The following ABLIM2 variants were observed in gnomAD, a reference collection of about 807,000 sequenced individuals.
The protein encoded by ABLIM2 is actin-binding LIM protein 2.
A neutral mutation model predicts 97.7 loss-of-function variants in ABLIM2; 53 were observed. The ratio of observed to expected loss-of-function variants is 0.54; its 90% CI spans 0.44 to 0.68. The LOEUF (loss-of-function observed/expected upper bound fraction) is 0.68, where lower values mean the gene tolerates loss of function less well. Among genes scored for constraint, ABLIM2 ranks in the 30% least tolerant of loss-of-function variants. The pLI is 0.00. For synonymous variants in ABLIM2, 361 were observed against 345.8 expected, an observed-to-expected ratio of 1.04 and a Z score of -0.49; for missense variants, 835 against 867.2, an observed-to-expected ratio of 0.96 and a Z score of 0.47.
chr4:8,050,687 ACAGAG>A (rs1795432750), intron 8 of ABLIM2, among the ~76,000 whole-genome samples: 1 of 152,102 alleles, frequency 6.6e-6, no homozygotes. Flanking sequence ...ACGGAACAAA[ACAGAG>A]CAGGAGGGCT....
chr4:7,967,318 C>T (rs554078405), intron 20 of ABLIM2, among the ~76,000 whole-genome samples: 56 of 152,314 alleles, frequency 3.7e-4, no homozygotes, highest in Middle Eastern at 6.8e-3. Flanking sequence ...CACACAGCAC[C>T]CAGTGGTGGA....
chr4:8,016,043 ATTTTTTTT>A (rs4006048), intron 14 of ABLIM2, among the ~76,000 whole-genome samples: 2 of 111,128 alleles, frequency 1.8e-5, no homozygotes, highest in African/African-American at 7.4e-5. Context: ...TTGTTGTTGT[ATTTTTTTT>A]TTTTTTTTTT....
At chr4:8,111,384 A>G (rs1357338490) in intron 1 of ABLIM2, among the ~76,000 whole-genome samples, 1 of 152,240 alleles carries the variant, frequency 6.6e-6, no homozygotes, top group African/African-American at 2.4e-5. Flanking sequence ...TCTGGGCAAT[A>G]CTGTAATGGT....
chr4:8,145,745 TACACACACACACACACAC>T (rs34195989), intron 1 of ABLIM2, among the ~76,000 whole-genome samples: 28 of 138,680 alleles, frequency 2.0e-4, no homozygotes, highest in African/African-American at 6.7e-4. Flanking sequence ...TACACACTCA[TACACACACACACACACAC>T]ACACACACAC....
chr4:8,056,855 T>C (rs1296462203), intron 7 of ABLIM2, among the ~76,000 whole-genome samples: 7 of 138,106 alleles, frequency 5.1e-5, no homozygotes, highest in Non-Finnish European at 6.0e-5. Flanking sequence ...TGGCGTGAAC[T>C]CGGGAGGCGG....
intron 9 of ABLIM2, among the ~76,000 whole-genome samples, chr4:8,039,870 T>C (rs1248275474): frequency 1.4e-5 from 2 of 141,690 alleles, no homozygotes; most frequent in Non-Finnish European, 3.0e-5. Context: ...GTGTGCTGAT[T>C]ACTGTTTTTT....
intron 20 of ABLIM2, among the ~76,000 whole-genome samples, chr4:7,968,602 C>T (rs569526046): frequency 1.1e-4 from 17 of 152,208 alleles, no homozygotes; most frequent in Non-Finnish European, 2.2e-4. Context: ...GTATATGATT[C>T]CACTTCTCTG....
intron 1 of ABLIM2, among the ~76,000 whole-genome samples, chr4:8,154,084 TC>T (rs1486987022): frequency 6.7e-6 from 1 of 149,790 alleles, no homozygotes; most frequent in Non-Finnish European, 1.5e-5. Flanking sequence ...TGCCTCAGCC[TC>T]CCGAGTAGCT....
intron 20 of ABLIM2, among the ~76,000 whole-genome samples, chr4:7,972,205 C>G (rs1304683810): frequency 1.3e-5 from 2 of 152,178 alleles, no homozygotes; most frequent in Non-Finnish European, 2.9e-5. Flanking sequence ...AGCGGCTTAG[C>G]GGGGCAATGA....
rs1240840881 is a variant in ABLIM2, at chr4:8,003,908, G to T, written c.1618+4151C>A. 6.6e-6 allele frequency among the ~76,000 whole-genome samples: 1 copy of T among 152,078 alleles called. No homozygotes were observed. Among genetic ancestry groups the T allele is most frequent in the East Asian group, 1.9e-4 (1 of 5,166 alleles). ...TGTCTGCATATTCCATACCTAGGGG[G>T]TCTCACGTCTCTAAGCCTGAGGCCA... On this transcript the variant is annotated intron_variant, in intron 16 of 20. Coordinates refer to ENST00000447017, the MANE Select transcript of ABLIM2 (RefSeq NM_001130083.2). The surrounding 1 kb of genome is among the most constrained non-coding windows in gnomAD (Gnocchi z 4.2).
At position 7,984,860 on chromosome 4, in the gene ABLIM2, C is replaced by T. The variant is rs773972716; in HGVS notation, c.1714G>A (p.Asp572Asn). Residue 572 changes from aspartate to asparagine, a missense_variant, in exon 18 of 21, where the codon GAT becomes AAT. By Grantham distance (23) the Asp-to-Asn change is conservative. Coordinates refer to ENST00000447017, the MANE Select transcript of ABLIM2 (RefSeq NM_001130083.2). Reference protein sequence around the residue: ...ANLAPCGADPDASWGMREYKI... With the variant: ...ANLAPCGADPNASWGMREYKI... ...GTACCTCGCATGCCCCAGCTGGCAT[C>T]CGGGTCTGCTCCACAGGGGGCCAGA... 1 of 1,607,512 alleles carries T rather than the reference C, an allele frequency of 6.2e-7. No individual in the cohort carries two copies. Among genetic ancestry groups the T allele is most frequent in the Non-Finnish European group, 8.5e-7 (1 of 1,177,424 alleles).
chr4:8,036,110 G>T (rs769372155), intron 10 of ABLIM2, 39 bp downstream of exon 10: 1 of 1,607,706 alleles, frequency 6.2e-7, no homozygotes, highest in South Asian at 1.1e-5. Context: ...CAGCACTTGG[G>T]GACACAGGTG....
At chr4:8,047,799 C>A (rs28416479) in intron 8 of ABLIM2, among the ~76,000 whole-genome samples, 7,660 of 152,314 alleles carry the variant, frequency 0.05, 475 homozygotes, top group African/African-American at 0.15. Flanking sequence ...GGATGAGGCA[C>A]GTGAGGTGCT....
Position 8,085,054 on chromosome 4 carries a change from C to A in ABLIM2, c.454+3115G>T, listed in dbSNP as rs1169609750. Among the ~76,000 whole-genome samples, 2 of 152,144 alleles carry A rather than the reference C, an allele frequency of 1.3e-5. No homozygotes were observed. The highest frequency in any genetic ancestry group is 1.9e-4 in the East Asian group (1 of 5,198). On this transcript the variant is annotated intron_variant, in intron 4 of 20. Transcript: ENST00000447017. The surrounding 1 kb of genome is among the most constrained non-coding windows in gnomAD (Gnocchi z 6.1). ...AGAGTGGTGGGGAAGCTGAGGCATG[C>A]GGGGTGTTCGCTGCTCCTTCTGGAA...
In ABLIM2 at chr4:8,082,707, C is replaced by T. The variant is rs1489517995; in HGVS notation, c.455-1905G>A. The stretch of plus-strand genomic sequence containing the variant: ...CTTACTCATTTCAGGACCCTGGATG[C>T]CCAGCAGAGGCTGTGGGCTTGAGAA... On this transcript the variant is annotated intron_variant, in intron 4 of 20. Transcript: ENST00000447017. This position sits in a 1 kb window ranked among gnomAD's most constrained non-coding sequence, Gnocchi z 5.6. Among the ~76,000 whole-genome samples the T allele has an allele frequency of 6.6e-6, 1 of 152,170 alleles. No homozygotes were observed. Among genetic ancestry groups the T allele is most frequent in the Non-Finnish European group, 1.5e-5 (1 of 68,040 alleles).
intron 9 of ABLIM2, among the ~76,000 whole-genome samples, chr4:8,042,098 G>A (rs1288993776): frequency 1.3e-5 from 2 of 152,160 alleles, no homozygotes; most frequent in Non-Finnish European, 2.9e-5. Context: ...CGGAGCCACA[G>A]CATGCTGAGG....
chr4:7,969,799 C>T (rs934910099), intron 20 of ABLIM2, among the ~76,000 whole-genome samples: 1 of 149,326 alleles, frequency 6.7e-6, no homozygotes, highest in African/African-American at 2.5e-5. Context: ...CAGGAAGAGG[C>T]CCTCAGCCGC....
At chr4:8,111,182 C>G (rs926748489) in intron 1 of ABLIM2, among the ~76,000 whole-genome samples, 1 of 152,248 alleles carries the variant, frequency 6.6e-6, no homozygotes, top group Non-Finnish European at 1.5e-5. Flanking sequence ...AGCATGCCAT[C>G]ACACCATGAG....
chr4:8,113,226 C>T lies in ABLIM2; in HGVS notation c.11-6589G>A, dbSNP rs1841232951. Among the ~76,000 whole-genome samples the T allele has an allele frequency of 6.6e-6, 1 of 152,174 alleles. No homozygotes were observed. The highest frequency in any genetic ancestry group is 2.4e-5 in the African/African-American group (1 of 41,440). Reference sequence around the variant, plus strand: ...CCTCCCACCTCAGCCTCCCGAGTAGCTGGGACCACAAGTGTGTGCCACCAC... The same window carrying T: ...CCTCCCACCTCAGCCTCCCGAGTAGTTGGGACCACAAGTGTGTGCCACCAC... On this transcript the variant is annotated intron_variant, in intron 1 of 20. Transcript: ENST00000447017. This position sits in a 1 kb window ranked among gnomAD's most constrained non-coding sequence, Gnocchi z 4.5.
Sources: allele counts gnomAD v4.1 joint callset (sites outside exome capture counted in the v4.1 genomes callset), GRCh38; gene constraint gnomAD v4.1.1; non-coding constraint Gnocchi (gnomAD v3.1); transcripts MANE v1.5; gene names NCBI Gene and HGNC (gene_info 2026-07-23, HGNC 2026-07-21).